Variants in RABGAP1L observed in about 807,000 individuals in gnomAD.
The protein encoded by RABGAP1L is RAB GTPase activating protein 1 like.
In RABGAP1L, 63 loss-of-function variants were observed where a neutral mutation model predicts 137.7. That is an observed-to-expected ratio of 0.46 (90% CI 0.37 to 0.56). The LOEUF (loss-of-function observed/expected upper bound fraction) is 0.56, where lower values mean the gene tolerates loss of function less well. Among genes scored for constraint, RABGAP1L ranks in the 20% least tolerant of loss-of-function variants. The probability of loss-of-function intolerance (pLI) is 0.00; values close to 1 mark genes in which losing one functional copy is unlikely to be tolerated. For synonymous variants in RABGAP1L, 431 were observed against 433.7 expected (o/e 0.99, Z 0.08); for missense variants, 1,095 against 1,244.0 (o/e 0.88, Z 1.80).
At chr1:174,258,980 G>C (rs564993827) in intron 7 of RABGAP1L, among the ~76,000 whole-genome samples, 10 of 151,898 alleles carry the variant, frequency 6.6e-5, no homozygotes, top group Admixed American at 3.3e-4. Context: ...ATAGAGACGG[G>C]GTCTCGCTTA....
intron 4 of RABGAP1L, among the ~76,000 whole-genome samples, chr1:174,240,099 A>G (rs1402078333): frequency 2.0e-5 from 3 of 152,218 alleles, no homozygotes; most frequent in Non-Finnish European, 4.4e-5. Context: ...ACACACCTTG[A>G]CAGAGATTTA....
chr1:174,240,146 C>T (rs879315308), intron 4 of RABGAP1L, among the ~76,000 whole-genome samples: 8 of 152,162 alleles, frequency 5.3e-5, no homozygotes, highest in Non-Finnish European at 1.2e-4. Flanking sequence ...GGGGTTGTCC[C>T]CTTACCCTCA....
intron 13 of RABGAP1L, among the ~76,000 whole-genome samples, chr1:174,607,840 T>G (rs1467185948): frequency 1.3e-5 from 2 of 152,238 alleles, no homozygotes; most frequent in African/African-American, 4.8e-5. Flanking sequence ...TAGAAACCTG[T>G]GTAAAAGCTT....
Position 174,504,173 on chromosome 1 carries a change from A to G in RABGAP1L, c.1710+110028A>G, listed in dbSNP as rs115838137. On this transcript the variant is annotated intron_variant, in intron 13 of 25. Transcript: ENST00000681986. ...TTTTTTGTAGAGTTAGGGTTTCGCC[A>G]TGTTGCCCAGGCTTGTCTCCAACTC... Among the ~76,000 whole-genome samples the G allele has an allele frequency of 8.1e-3, 1,237 of 151,872 alleles. 15 individuals carry two copies. The highest frequency in any genetic ancestry group is 0.028 in the African/African-American group (1,181 of 41,444).
intron 13 of RABGAP1L, among the ~76,000 whole-genome samples, chr1:174,534,237 A>G (rs1416752537): frequency 1.3e-5 from 2 of 151,612 alleles, no homozygotes; most frequent in Non-Finnish European, 2.9e-5. Context: ...TCAATGGTGT[A>G]TATTAAATAT....
At chr1:174,174,720 AG>A (rs1665694855) in intron 1 of RABGAP1L, among the ~76,000 whole-genome samples, 1 of 152,214 alleles carries the variant, frequency 6.6e-6, no homozygotes, top group South Asian at 2.1e-4. Context: ...CTGAGGTCAG[AG>A]GGCAAGAAAG....
intron 13 of RABGAP1L, among the ~76,000 whole-genome samples, chr1:174,489,622 G>T (rs12067031): frequency 6.6e-6 from 1 of 152,164 alleles, no homozygotes; most frequent in Admixed American, 6.5e-5. Context: ...ACAGTGTGGC[G>T]ATTCCTCAAG....
chr1:174,434,371 G>C (rs1054134311), intron 13 of RABGAP1L, among the ~76,000 whole-genome samples: 1 of 152,040 alleles, frequency 6.6e-6, no homozygotes, highest in Admixed American at 6.6e-5. Flanking sequence ...TCATTCCCCT[G>C]TTGATGGATG....
chr1:174,177,266 G>A (rs540224372), intron 1 of RABGAP1L, among the ~76,000 whole-genome samples: 1 of 152,156 alleles, frequency 6.6e-6, no homozygotes, highest in East Asian at 1.9e-4. Context: ...TTTGTTGGCC[G>A]CATAAATGTC....
intron 19 of RABGAP1L, among the ~76,000 whole-genome samples, chr1:174,916,430 A>G (rs1283080220): frequency 1.3e-5 from 2 of 152,252 alleles, no homozygotes; most frequent in Non-Finnish European, 2.9e-5. Flanking sequence ...AAGCTGAACA[A>G]AGTTTTATAT....
chr1:174,700,754 T>C, intron 16 of RABGAP1L: 1 of 185,658 alleles, frequency 5.4e-6, no homozygotes, highest in South Asian at 1.1e-4. Flanking sequence ...CTGGTAAATA[T>C]GGATATTAAC....
rs757604598 is a variant in RABGAP1L at position 174,448,598 on chromosome 1, A to G, written c.1710+54453A>G. On this transcript the variant is annotated intron_variant, in intron 13 of 25. Transcript: ENST00000681986. This position sits in a 1 kb window ranked among gnomAD's most constrained non-coding sequence, Gnocchi z 4.2. ...CCCTTGTCGCTTGAGAATTTGCATT[A>G]TTTTGATCTGGATCTACTCCTGCCT... 1.9e-6 allele frequency: 3 copies of G among 1,613,952 alleles called. No individual in the cohort carries two copies. In the South Asian group the frequency reaches 3.3e-5, roughly 18 times the overall value.
intron 18 of RABGAP1L, among the ~76,000 whole-genome samples, chr1:174,801,204 C>T (rs1329888864): frequency 1.3e-5 from 2 of 152,174 alleles, no homozygotes; most frequent in African/African-American, 4.8e-5. Flanking sequence ...TACCTAGCAA[C>T]TATTCTATAA....
Position 174,327,976 on chromosome 1 carries a change from T to C in RABGAP1L, c.1465+22849T>C, listed in dbSNP as rs867070174. ...TTGTAAATATATATATATATATATA[T>C]ATACACACACATATATATATATATA... On this transcript the variant is annotated intron_variant, in intron 11 of 25. Transcript: ENST00000681986. Among the ~76,000 whole-genome samples the C allele has an allele frequency of 3.6e-4, 11 of 30,690 alleles. 1 individual carries two copies. Among genetic ancestry groups the C allele is most frequent in the African/African-American group, 1.2e-3 (3 of 2,426 alleles). 20.1% of individuals were successfully genotyped at this position (30,690 alleles called of 152,430 possible). A position where few individuals can be genotyped will look rare whatever the true frequency, so the allele number is the denominator to read the frequency against.
chr1:174,551,724 C>A (rs530913110), intron 13 of RABGAP1L, among the ~76,000 whole-genome samples: 1 of 150,820 alleles, frequency 6.6e-6, no homozygotes, highest in East Asian at 1.9e-4. Flanking sequence ...ACAAAAACAA[C>A]AGAGAAAAAC....
intron 19 of RABGAP1L, among the ~76,000 whole-genome samples, chr1:174,939,430 T>G (rs1194103534): frequency 2.0e-5 from 3 of 151,756 alleles, no homozygotes; most frequent in Non-Finnish European, 4.4e-5. Context: ...TGGTGGTGCG[T>G]GCCTGTTACC....
intron 13 of RABGAP1L, among the ~76,000 whole-genome samples, chr1:174,529,319 A>G (rs1272708024): frequency 6.6e-6 from 1 of 152,130 alleles, no homozygotes; most frequent in Admixed American, 6.5e-5. Context: ...CTGAAAATGC[A>G]TCTATGATGT....
intron 19 of RABGAP1L, among the ~76,000 whole-genome samples, chr1:174,932,574 G>A (rs980192816): frequency 2.6e-5 from 4 of 152,018 alleles, no homozygotes; most frequent in African/African-American, 9.7e-5. Flanking sequence ...ATTTGACCAA[G>A]GTGATTTCTG....
chr1:174,663,339 T>G (rs539111179), intron 14 of RABGAP1L, among the ~76,000 whole-genome samples: 1 of 152,342 alleles, frequency 6.6e-6, no homozygotes, highest in African/African-American at 2.4e-5. Context: ...CATGGTTTCT[T>G]GTAGCAGCCC....
Sources: gnomAD v4.1 joint callset for allele counts (sites outside exome capture counted in the v4.1 genomes callset) on GRCh38, gnomAD v4.1.1 for gene constraint, Gnocchi (gnomAD v3.1) non-coding constraint, MANE v1.5 for transcripts, NCBI Gene and HGNC (gene_info 2026-07-23, HGNC 2026-07-21) for gene names.